The following SUPT3H variants were observed in gnomAD, a reference collection of about 807,000 sequenced individuals.
The protein encoded by SUPT3H is SPT3 homolog, SAGA and STAGA complex component, also known as transcription initiation protein SPT3 homolog.
In SUPT3H, 44 loss-of-function variants were observed where a neutral mutation model predicts 44.3. The observed-to-expected ratio is 0.99, with a 90% CI of 0.78 to 1.28. SUPT3H has a LOEUF of 1.28. Among genes scored for constraint, SUPT3H ranks in the 50% most tolerant of loss-of-function variants. The pLI is 0.00. For synonymous variants in SUPT3H, 124 were observed against 125.6 expected (o/e 0.99, Z 0.09); for missense variants, 380 against 387.1 (o/e 0.98, Z 0.15).
intron 10 of SUPT3H, among the ~76,000 whole-genome samples, chr6:44,878,844 C>G (rs1165852061): frequency 2.6e-5 from 4 of 152,066 alleles, no homozygotes; most frequent in Non-Finnish European, 5.9e-5. Flanking sequence ...CTCCCTTAGC[C>G]AAGGGAAGCC....
intron 2 of SUPT3H, among the ~76,000 whole-genome samples, chr6:45,358,897 G>C (rs1793736957): frequency 6.6e-6 from 1 of 152,096 alleles, no homozygotes; most frequent in South Asian, 2.1e-4. Flanking sequence ...GTTCAGAACA[G>C]AGACTGCCAC....
intron 10 of SUPT3H, among the ~76,000 whole-genome samples, chr6:44,914,046 T>C (rs1301779389): frequency 2.0e-5 from 3 of 152,222 alleles, no homozygotes; most frequent in Non-Finnish European, 2.9e-5. Flanking sequence ...TATAATAATA[T>C]TCTATCCAGA....
At chr6:45,111,809 C>A (rs1370662166) in intron 2 of SUPT3H, among the ~76,000 whole-genome samples, 1 of 152,032 alleles carries the variant, frequency 6.6e-6, no homozygotes, top group African/African-American at 2.4e-5. Flanking sequence ...CACCCCCACT[C>A]AGGGAAAGAA....
At chr6:44,902,912 A>G (rs1765336739) in intron 10 of SUPT3H, among the ~76,000 whole-genome samples, 1 of 152,184 alleles carries the variant, frequency 6.6e-6, no homozygotes, top group African/African-American at 2.4e-5. Flanking sequence ...AAACTGAACA[A>G]CCTGCTCCTG....
At chr6:45,217,494 A>C (rs1257869129) in intron 2 of SUPT3H, among the ~76,000 whole-genome samples, 1 of 151,728 alleles carries the variant, frequency 6.6e-6, no homozygotes, top group African/African-American at 2.4e-5. Flanking sequence ...ATAAAATAAA[A>C]TAAAATATAA....
intron 10 of SUPT3H, among the ~76,000 whole-genome samples, chr6:44,930,580 A>C (rs1360696840): frequency 6.6e-6 from 1 of 151,432 alleles, no homozygotes; most frequent in East Asian, 1.9e-4. Context: ...AAAAAAAAAA[A>C]AAAAAAAGTG....
chr6:45,158,523 C>G (rs1583905941), intron 2 of SUPT3H, among the ~76,000 whole-genome samples: 2 of 151,550 alleles, frequency 1.3e-5, no homozygotes, highest in Admixed American at 6.6e-5. Flanking sequence ...TTGACTCCAC[C>G]AACCTCAAAA....
chr6:45,100,266 A>G (rs1049570126), intron 3 of SUPT3H, among the ~76,000 whole-genome samples: 1 of 152,116 alleles, frequency 6.6e-6, no homozygotes, highest in South Asian at 2.1e-4. Flanking sequence ...AAAATCTTCT[A>G]CACAAAATCA....
intron 3 of SUPT3H, among the ~76,000 whole-genome samples, chr6:45,070,772 T>A: frequency 6.9e-6 from 1 of 145,188 alleles, no homozygotes; most frequent in African/African-American, 2.5e-5. Context: ...AATGCTTTAA[T>A]CTCAAAATGA....
At chr6:45,166,799 G>T (rs990859576) in intron 2 of SUPT3H, among the ~76,000 whole-genome samples, 3 of 152,158 alleles carry the variant, frequency 2.0e-5, no homozygotes, top group African/African-American at 7.2e-5. Context: ...AGTCATTAGG[G>T]AATGCAAATT....
chr6:45,214,965 C>G (rs1009104165), intron 2 of SUPT3H, among the ~76,000 whole-genome samples: 13 of 152,114 alleles, frequency 8.5e-5, no homozygotes, highest in African/African-American at 3.1e-4. Context: ...GTATTCCATC[C>G]CAGACCTGAG....
chr6:45,249,790 G>A (rs1396365672), intron 2 of SUPT3H, among the ~76,000 whole-genome samples: 2 of 151,954 alleles, frequency 1.3e-5, no homozygotes, highest in African/African-American at 4.8e-5. Context: ...CGCTGTGTTT[G>A]TGAACAACAC....
intron 3 of SUPT3H, among the ~76,000 whole-genome samples, chr6:45,051,031 C>A (rs1253890992): frequency 6.6e-6 from 1 of 151,704 alleles, no homozygotes; most frequent in East Asian, 1.9e-4. Flanking sequence ...ACTACAGGGG[C>A]CTGCCGCCAT....
chr6:45,218,555 C>A (rs1263257101), intron 2 of SUPT3H, among the ~76,000 whole-genome samples: 1 of 152,122 alleles, frequency 6.6e-6, no homozygotes, highest in Non-Finnish European at 1.5e-5. Flanking sequence ...CATGGAGAAA[C>A]CCCACCTCTA....
At chr6:45,161,761 ATTC>A (rs1809015758) in intron 2 of SUPT3H, among the ~76,000 whole-genome samples, 1 of 152,140 alleles carries the variant, frequency 6.6e-6, no homozygotes, top group Non-Finnish European at 1.5e-5. Flanking sequence ...CTACTATATT[ATTC>A]TTCTCTCGAA....
At chr6:45,012,616 T>G (rs1783658898) in intron 5 of SUPT3H, among the ~76,000 whole-genome samples, 1 of 152,146 alleles carries the variant, frequency 6.6e-6, no homozygotes, top group Non-Finnish European at 1.5e-5. Context: ...TAATAGCCCC[T>G]TTGATGTTTT....
At chr6:44,889,665 G>GA (rs768992182) in intron 10 of SUPT3H, among the ~76,000 whole-genome samples, 6 of 152,132 alleles carry the variant, frequency 3.9e-5, no homozygotes, top group Non-Finnish European at 8.8e-5. Context: ...AACCCTAGAA[G>GA]AAAACCTAGG....
At chr6:44,822,547 T>C (rs1767399527), downstream of SUPT3H, among the ~76,000 whole-genome samples, 1 of 152,206 alleles carries the variant, frequency 6.6e-6, no homozygotes, top group Non-Finnish European at 1.5e-5. Context: ...TAGGTCTTAG[T>C]AGTGCAAAGT....
chr6:45,186,411 T>C (rs1179435578), intron 2 of SUPT3H, among the ~76,000 whole-genome samples: 1 of 151,860 alleles, frequency 6.6e-6, no homozygotes, highest in Non-Finnish European at 1.5e-5. Flanking sequence ...CAAAAATCTC[T>C]CTCAAAAAAT....
Sources: allele counts gnomAD v4.1 joint callset (sites outside exome capture counted in the v4.1 genomes callset), GRCh38; gene constraint gnomAD v4.1.1; transcripts MANE v1.5; gene names NCBI Gene and HGNC (gene_info 2026-07-23, HGNC 2026-07-21).